CCDC149: variants seen among roughly 807,000 people sequenced by gnomAD.
CCDC149 encodes the protein coiled-coil domain-containing protein 149.
In CCDC149, 45 loss-of-function variants were observed where a neutral mutation model predicts 59.9. The observed-to-expected ratio is 0.75, with a 90% CI of 0.59 to 0.96. The LOEUF is 0.96. Ranked by LOEUF, CCDC149 falls within the 40% of genes least tolerant of loss-of-function variation. CCDC149 has a pLI of 0.00. For synonymous variants in CCDC149, 245 were observed against 260.6 expected (o/e 0.94, Z 0.58); for missense variants, 584 against 664.7 (o/e 0.88, Z 1.33).
chr4:24,827,475 T>C lies in CCDC149; in HGVS notation c.965+4031A>G, dbSNP rs1362822232. The C allele has an allele frequency of 2.0e-5, 3 of 152,240 alleles. No individual in the cohort carries two copies. The East Asian group carries it at 5.8e-4, about 29-fold the overall frequency. The allele number at this position is 152,240 out of a possible 1,614,324, so 9.4% of individuals were successfully genotyped here. ...CAAAAGGCCAATATGTCCTCATATA[T>C]TCACCACCACCTCCCCGCCATGGTA... On this transcript the variant is annotated intron_variant, in intron 9 of 12. Coordinates refer to ENST00000635206, the MANE Select transcript of CCDC149 (RefSeq NM_001330643.2).
intron 3 of CCDC149, among the ~76,000 whole-genome samples, chr4:24,856,222 T>C (rs1717997429): frequency 6.6e-6 from 1 of 152,222 alleles, no homozygotes. Flanking sequence ...TATTTGTTCA[T>C]TCATTTATCT....
rs533422978 is a variant in CCDC149, at chr4:24,973,929, TC to T, written c.-65+6139del. 3.9e-4 allele frequency among the ~76,000 whole-genome samples: 60 copies of T among 152,358 alleles called. No individual in the cohort carries two copies. The South Asian group carries it at 0.012, about 30-fold the overall frequency. On this transcript the variant is annotated intron_variant, in intron 1 of 12. Coordinates refer to the CCDC149 transcript ENST00000389609. ...AGGCCTTGCTCTGTTCCCCTTGCAGTCCCCGAGCCCGGGAAGCCCGAGAGGG... is the reference window on the plus strand; with the variant it reads ...AGGCCTTGCTCTGTTCCCCTTGCAGTCCCGAGCCCGGGAAGCCCGAGAGGG...
At chr4:24,895,284 A>G (rs1300628396) in intron 1 of CCDC149, among the ~76,000 whole-genome samples, 6 of 152,170 alleles carry the variant, frequency 3.9e-5, no homozygotes, top group Non-Finnish European at 7.3e-5. Context: ...TTACACAGGT[A>G]TGTGCACATG....
intron 1 of CCDC149, among the ~76,000 whole-genome samples, chr4:24,889,539 G>T (rs1439716926): frequency 6.6e-6 from 1 of 152,130 alleles, no homozygotes; most frequent in East Asian, 1.9e-4. Flanking sequence ...CCCTCTCTTT[G>T]CCATCCAGGT....
intron 1 of CCDC149, among the ~76,000 whole-genome samples, chr4:24,893,809 T>C (rs1720680989): frequency 6.6e-6 from 1 of 151,540 alleles, no homozygotes; most frequent in Non-Finnish European, 1.5e-5. Flanking sequence ...GTAGAGACAA[T>C]TGGCCAGGCT....
At chr4:24,975,511 G>A (rs1472680232) in intron 1 of CCDC149, among the ~76,000 whole-genome samples, 1 of 142,912 alleles carries the variant, frequency 7.0e-6, no homozygotes, top group South Asian at 2.5e-4. Flanking sequence ...AGAGGGAAAG[G>A]AAGGAAAAGT....
chr4:24,817,706 G>A (rs1160233993), intron 12 of CCDC149, among the ~76,000 whole-genome samples: 1 of 151,670 alleles, frequency 6.6e-6, no homozygotes, highest in African/African-American at 2.4e-5. Context: ...ATGCAAGAGA[G>A]AGCTTGCAGA....
upstream of CCDC149, among the ~76,000 whole-genome samples, chr4:24,914,271 A>G (rs1722050601): frequency 6.6e-6 from 1 of 151,990 alleles, no homozygotes; most frequent in South Asian, 2.1e-4. Flanking sequence ...ACTGTTTGCA[A>G]AATGGCAGCA....
chr4:24,886,687 C>T (rs554337349), intron 1 of CCDC149, among the ~76,000 whole-genome samples: 1 of 152,276 alleles, frequency 6.6e-6, no homozygotes, highest in South Asian at 2.1e-4. Flanking sequence ...AAATGGTGAT[C>T]ATTCAATAAT....
intron 4 of CCDC149, among the ~76,000 whole-genome samples, chr4:24,851,769 AAGTG>A (rs1314660270): frequency 6.6e-6 from 1 of 152,040 alleles, no homozygotes; most frequent in African/African-American, 2.4e-5. Context: ...TCACTTGAGG[AAGTG>A]AGTAAGAAGG....
upstream of CCDC149, among the ~76,000 whole-genome samples, chr4:24,917,926 C>T (rs1338913407): frequency 2.6e-5 from 4 of 151,898 alleles, no homozygotes; most frequent in Non-Finnish European, 4.4e-5. Flanking sequence ...TGGCCCTTGG[C>T]GAGGTGGAGG....
chr4:24,851,523 G>C (rs1178070706), intron 4 of CCDC149, among the ~76,000 whole-genome samples: 1 of 152,096 alleles, frequency 6.6e-6, no homozygotes, highest in Non-Finnish European at 1.5e-5. Flanking sequence ...ACCAAAAGAT[G>C]AGACAGGAGC....
At chr4:24,920,000 G>T (rs1167717424) in intron 1 of CCDC149, among the ~76,000 whole-genome samples, 1 of 152,188 alleles carries the variant, frequency 6.6e-6, no homozygotes, top group African/African-American at 2.4e-5. Context: ...AGGTCACAAA[G>T]TATATTAAGA....
intron 3 of CCDC149, among the ~76,000 whole-genome samples, chr4:24,872,264 C>T (rs904358519): frequency 1.3e-5 from 2 of 152,134 alleles, no homozygotes; most frequent in East Asian, 1.9e-4. Flanking sequence ...TGTTGGCCAC[C>T]GTGCAGGAGA....
At chr4:24,897,768 T>C (rs188163737) in intron 1 of CCDC149, among the ~76,000 whole-genome samples, 34 of 152,160 alleles carry the variant, frequency 2.2e-4, no homozygotes, top group Non-Finnish European at 4.4e-4. Context: ...AGTTCGGACT[T>C]GGGCACAATA....
chr4:24,813,311 C>T (rs142454316), intron 12 of CCDC149, among the ~76,000 whole-genome samples: 94 of 151,990 alleles, frequency 6.2e-4, no homozygotes, highest in African/African-American at 2.0e-3. Flanking sequence ...ATGTCTGCTT[C>T]TTGTTGAAAA....
chr4:24,912,781 C>A, intron 1 of CCDC149, 36 bp downstream of exon 1: 1 of 1,263,114 alleles, frequency 7.9e-7, no homozygotes, highest in Non-Finnish European at 1.0e-6. Context: ...GCCGCTCGGC[C>A]CGGCCCATCC....
intron 1 of CCDC149, among the ~76,000 whole-genome samples, chr4:24,965,887 T>C (rs1363390499): frequency 6.6e-6 from 1 of 152,200 alleles, no homozygotes; most frequent in Non-Finnish European, 1.5e-5. Flanking sequence ...AACCATGCCA[T>C]GTGAGGTGCA....
intron 4 of CCDC149, among the ~76,000 whole-genome samples, chr4:24,850,186 C>T (rs1577408517): frequency 6.6e-6 from 1 of 151,606 alleles, no homozygotes; most frequent in African/African-American, 2.4e-5. Context: ...CTTTTTGTTC[C>T]CTTTATTCAT....
Sources: allele counts gnomAD v4.1 joint callset (sites outside exome capture counted in the v4.1 genomes callset), GRCh38; gene constraint gnomAD v4.1.1; transcripts MANE v1.5; gene names NCBI Gene and HGNC (gene_info 2026-07-23, HGNC 2026-07-21).